Variants in NAALADL2 observed in about 807,000 individuals in gnomAD.
NAALADL2 encodes the protein inactive N-acetylated-alpha-linked acidic dipeptidase-like protein 2.
A neutral mutation model predicts 87.2 loss-of-function variants in NAALADL2; 76 were observed. The ratio of observed to expected loss-of-function variants is 0.87; its 90% CI spans 0.72 to 1.05. NAALADL2 has a LOEUF of 1.05. Ranked by LOEUF, NAALADL2 falls within the 50% of genes least tolerant of loss-of-function variation. The pLI is 0.00. For synonymous variants in NAALADL2, 354 were observed against 331.0 expected (o/e 1.07, Z -0.75); for missense variants, 1,089 against 945.8 (o/e 1.15, Z -1.99).
chr3:175,257,591 T>TG (rs557251132), intron 4 of NAALADL2, among the ~76,000 whole-genome samples: 105 of 138,142 alleles, frequency 7.6e-4, no homozygotes, highest in Non-Finnish European at 1.3e-3. Context: ...GGGGTCAGGG[T>TG]GGGGGGGCAC....
chr3:175,373,533 T>C (rs550393316), intron 5 of NAALADL2, among the ~76,000 whole-genome samples: 1 of 152,342 alleles, frequency 6.6e-6, no homozygotes, highest in South Asian at 2.1e-4. Context: ...TTCTATTTTA[T>C]GCTCATATCA....
chr3:175,716,611 C>CA (rs1199449439), intron 11 of NAALADL2, among the ~76,000 whole-genome samples: 4 of 151,760 alleles, frequency 2.6e-5, no homozygotes, highest in South Asian at 2.1e-4. Flanking sequence ...TCATATAGGC[C>CA]AAAAAAGTCT....
intron 9 of NAALADL2, among the ~76,000 whole-genome samples, chr3:175,573,791 A>G (rs1358074870): frequency 6.6e-6 from 1 of 152,202 alleles, no homozygotes; most frequent in African/African-American, 2.4e-5. Flanking sequence ...CTTTCGAAAA[A>G]TTCAGCTTTG....
chr3:175,546,818 T>G (rs1312435253), intron 9 of NAALADL2, among the ~76,000 whole-genome samples: 1 of 151,940 alleles, frequency 6.6e-6, no homozygotes, highest in Non-Finnish European at 1.5e-5. Context: ...CATTTCAACC[T>G]TAGATAATCT....
At chr3:175,244,532 T>C (rs1173880086) in intron 3 of NAALADL2, among the ~76,000 whole-genome samples, 1 of 152,070 alleles carries the variant, frequency 6.6e-6, no homozygotes, top group Non-Finnish European at 1.5e-5. Context: ...CACCCAACTG[T>C]TGTTCTTTCT....
intron 3 of NAALADL2, among the ~76,000 whole-genome samples, chr3:174,805,655 A>G (rs1719382061): frequency 6.6e-6 from 1 of 152,136 alleles, no homozygotes; most frequent in African/African-American, 2.4e-5. Context: ...TTCCTTAGGA[A>G]TTTTGTTACA....
Position 175,471,692 on chromosome 3 carries a change from T to G in NAALADL2, c.1587T>G (p.Ser529Arg), listed in dbSNP as rs80191780. 2,959 of 1,591,876 alleles carry G rather than the reference T, an allele frequency of 1.9e-3. 54 individuals carry two copies. The African/African-American group carries it at 0.035, about 19-fold the overall frequency. Residue 529 changes from serine (S) to arginine (R), a missense_variant, in exon 9 of 14, where the codon AGT becomes AGG. By Grantham distance (110) the Ser-to-Arg change is moderately radical (BLOSUM62 -1). Coordinates refer to ENST00000454872, the MANE Select transcript of NAALADL2 (RefSeq NM_207015.3). ...KNVVAYISLH[S>R]PIRGNSSLYP... Reference sequence around the variant, plus strand: ...TTGTGGCTTATATTAGCCTCCACAGTCCCATAAGGGGGAACTCTAGTCTGT... The same window carrying G: ...TTGTGGCTTATATTAGCCTCCACAGGCCCATAAGGGGGAACTCTAGTCTGT...
At position 174,689,087 on chromosome 3, in the gene NAALADL2, A is replaced by G. The variant is rs556867955; in HGVS notation, c.-114-48554A>G. ...AGAACTCTTTATATATGGCATAGCA[A>G]TAATAGACTTTGTGTGATTATTGAC... On this transcript the variant is annotated intron_variant, in intron 2 of 3. Transcript: ENST00000434257. Among the ~76,000 whole-genome samples, 45 of 152,292 alleles carry G rather than the reference A, an allele frequency of 3.0e-4. No individual in the cohort carries two copies. The South Asian group carries it at 9.1e-3, about 31-fold the overall frequency.
intron 5 of NAALADL2, among the ~76,000 whole-genome samples, chr3:175,428,749 C>G (rs187898896): frequency 2.5e-4 from 38 of 152,076 alleles, no homozygotes; most frequent in Non-Finnish European, 4.6e-4. Context: ...TCATTGCATC[C>G]TCTTTTAAAG....
chr3:174,642,763 T>TCC (rs1723363635), intron 2 of NAALADL2, among the ~76,000 whole-genome samples: 1 of 36,338 alleles, frequency 2.8e-5, no homozygotes, highest in South Asian at 7.7e-4. Flanking sequence ...TATATATATA[T>TCC]ATATATATAT....
At chr3:174,796,651 T>A (rs953069819) in intron 3 of NAALADL2, among the ~76,000 whole-genome samples, 13 of 152,118 alleles carry the variant, frequency 8.5e-5, no homozygotes, top group Non-Finnish European at 1.5e-4. Context: ...ATTCCATATC[T>A]TTGCTATTGT....
At chr3:175,460,042 C>A in intron 6 of NAALADL2, 1 of 390,034 alleles carries the variant, frequency 2.6e-6, no homozygotes, top group Non-Finnish European at 5.1e-6. Flanking sequence ...ATTGCTATTA[C>A]AGATTATACT....
chr3:175,297,746 T>G lies in NAALADL2; in HGVS notation c.940-26429T>G, dbSNP rs543720824. 3.9e-5 allele frequency among the ~76,000 whole-genome samples: 6 copies of G among 152,272 alleles called. No homozygotes were observed. In the South Asian group the frequency reaches 1.2e-3, roughly 32 times the overall value. ...TAATAGTGATACTAACATACCCACATGTAGACTTCATTTGGTTATATTATT... is the reference window on the plus strand; with the variant it reads ...TAATAGTGATACTAACATACCCACAGGTAGACTTCATTTGGTTATATTATT... On this transcript the variant is annotated intron_variant, in intron 4 of 13. Transcript: ENST00000454872.
intron 1 of NAALADL2, among the ~76,000 whole-genome samples, chr3:174,450,813 T>G (rs1715424394): frequency 7.4e-6 from 1 of 135,210 alleles, no homozygotes; most frequent in Admixed American, 8.7e-5. Context: ...GGGGTTGTAG[T>G]GAGCCGAGAT....
At chr3:175,624,693 C>T (rs781520409) in intron 10 of NAALADL2, among the ~76,000 whole-genome samples, 4 of 151,816 alleles carry the variant, frequency 2.6e-5, no homozygotes, top group Non-Finnish European at 4.4e-5. Context: ...GTGATTAAGG[C>T]AAAAGATATC....
intron 10 of NAALADL2, among the ~76,000 whole-genome samples, chr3:175,585,004 T>G (rs1720337341): frequency 6.6e-6 from 1 of 152,096 alleles, no homozygotes. Flanking sequence ...ACTGTAACTT[T>G]TTTACTTTGT....
At chr3:174,741,056 T>C (rs1303107432) in intron 3 of NAALADL2, among the ~76,000 whole-genome samples, 1 of 151,778 alleles carries the variant, frequency 6.6e-6, no homozygotes. Flanking sequence ...GATAATTCAA[T>C]AGGAAAATAA....
At chr3:175,761,113 A>T (rs749650071) in intron 13 of NAALADL2, among the ~76,000 whole-genome samples, 4 of 152,210 alleles carry the variant, frequency 2.6e-5, no homozygotes, top group Non-Finnish European at 5.9e-5. Flanking sequence ...TAGGTTGTAC[A>T]TTCTATGGGC....
At chr3:174,511,009 TTC>T (rs1220130768) in intron 1 of NAALADL2, among the ~76,000 whole-genome samples, 5 of 152,010 alleles carry the variant, frequency 3.3e-5, no homozygotes, top group Non-Finnish European at 7.4e-5. Flanking sequence ...CCATATATAT[TTC>T]TGTTACTGAT....
Sources: allele counts gnomAD v4.1 joint callset (sites outside exome capture counted in the v4.1 genomes callset), GRCh38; gene constraint gnomAD v4.1.1; transcripts MANE v1.5; gene names NCBI Gene and HGNC (gene_info 2026-07-23, HGNC 2026-07-21).